EML6: variants seen among roughly 807,000 people sequenced by gnomAD.
EML6 encodes the protein echinoderm microtubule-associated protein-like 6.
EML6 carries 154 observed loss-of-function variants against 240.1 expected under a neutral mutation model. The ratio of observed to expected loss-of-function variants is 0.64; its 90% CI spans 0.56 to 0.73. EML6 has a LOEUF of 0.73. Ranked by LOEUF, EML6 falls within the 30% of genes least tolerant of loss-of-function variation. EML6 has a pLI of 0.00. For missense variants in EML6, 2,964 were observed against 2,474.6 expected (o/e 1.20, Z -4.20); for synonymous variants, 1,148 against 899.0 (o/e 1.28, Z -4.95).
Position 54,970,055 on chromosome 2 carries a change from TG to T in EML6, c.5853-15del. ...TGTCCAGCTATGCAAAATGACTGTT[TG>T]ATCTGCCTTTTCAGTGTATTTGTGT... On this transcript the variant is annotated splice_polypyrimidine_tract_variant and intron_variant, in intron 41 of 41. Coordinates refer to ENST00000356458, the MANE Select transcript of EML6 (RefSeq NM_001039753.4). 3 of 1,551,720 alleles carry T rather than the reference TG, an allele frequency of 1.9e-6. No homozygotes were observed. The highest frequency in any genetic ancestry group is 2.6e-6 in the Non-Finnish European group (3 of 1,146,956).
At chr2:54,879,226 A>C (rs886753524) in intron 16 of EML6, among the ~76,000 whole-genome samples, 2 of 152,216 alleles carry the variant, frequency 1.3e-5, no homozygotes, top group African/African-American at 4.8e-5. Flanking sequence ...TGTGTCTCAG[A>C]ATGTCAGGTC....
At chr2:54,926,780 C>T (rs765469585) in intron 26 of EML6, among the ~76,000 whole-genome samples, 2 of 152,176 alleles carry the variant, frequency 1.3e-5, no homozygotes, top group African/African-American at 2.4e-5. Flanking sequence ...TTTTTCCTCT[C>T]TCTTTCTTCC....
rs546856902 is a variant in EML6, at chr2:54,930,862, A to C, written c.4004+2111A>C. Among the ~76,000 whole-genome samples, 5 of 152,182 alleles carry C rather than the reference A, an allele frequency of 3.3e-5. No homozygotes were observed. The South Asian group carries it at 1.0e-3, about 32-fold the overall frequency. ...AACTTAGCAGTCTCCATGGGGGCAA[A>C]TCACAATCAGAGCCAAGAACAAGCA... On this transcript the variant is annotated intron_variant, in intron 28 of 41. Coordinates refer to ENST00000356458, the MANE Select transcript of EML6 (RefSeq NM_001039753.4).
intron 7 of EML6, among the ~76,000 whole-genome samples, chr2:54,840,846 ATTAT>A (rs976203313): frequency 6.6e-6 from 1 of 152,232 alleles, no homozygotes; most frequent in Non-Finnish European, 1.5e-5. Context: ...GTAAAAGTAG[ATTAT>A]TTGTTTTTTG....
chr2:54,807,728 T>C (rs1451741675), intron 2 of EML6, among the ~76,000 whole-genome samples: 3 of 152,212 alleles, frequency 2.0e-5, no homozygotes, highest in African/African-American at 7.2e-5. Flanking sequence ...TCAGTATGTA[T>C]TACCTTTGCT....
At chr2:54,920,287 CA>C (rs1306695750) in intron 26 of EML6, among the ~76,000 whole-genome samples, 1 of 150,680 alleles carries the variant, frequency 6.6e-6, no homozygotes, top group Non-Finnish European at 1.5e-5. Context: ...CTAGACTAGC[CA>C]AAAAAAGGAC....
At chr2:54,886,838 A>G (rs991065868) in intron 17 of EML6, among the ~76,000 whole-genome samples, 2 of 152,204 alleles carry the variant, frequency 1.3e-5, no homozygotes, top group African/African-American at 4.8e-5. Flanking sequence ...AATTTCACCC[A>G]TGTTCAAGTT....
Position 54,789,563 on chromosome 2 carries a change from T to A in EML6, c.198-23669T>A, listed in dbSNP as rs1210128631. 2.1e-5 allele frequency among the ~76,000 whole-genome samples: 3 copies of A among 142,246 alleles called. No homozygotes were observed. In the East Asian group the frequency reaches 6.1e-4, roughly 29 times the overall value. 93.3% of individuals were successfully genotyped at this position (142,246 alleles called of 152,430 possible). ...AAAAAAAAAAAGAAAAAGAATGTGC[T>A]TTCCAAAGTAGACATGGGTGGGACG... On this transcript the variant is annotated intron_variant, in intron 2 of 41. Transcript: ENST00000356458.
At chr2:54,776,625 TAGA>T (rs953383841) in intron 2 of EML6, among the ~76,000 whole-genome samples, 1 of 152,154 alleles carries the variant, frequency 6.6e-6, no homozygotes, top group African/African-American at 2.4e-5. Flanking sequence ...AGGGGATCAT[TAGA>T]AGCCCCAACT....
intron 9 of EML6, among the ~76,000 whole-genome samples, chr2:54,848,257 T>C (rs2165006): frequency 0.45 from 68,975 of 152,040 alleles, 15,893 homozygotes; most frequent in Middle Eastern, 0.53. Flanking sequence ...CTGAATGCAT[T>C]TGTCGTTCTC....
intron 26 of EML6, among the ~76,000 whole-genome samples, chr2:54,924,979 G>A (rs1042098375): frequency 6.6e-6 from 1 of 152,080 alleles, no homozygotes; most frequent in Non-Finnish European, 1.5e-5. Context: ...CTATCACTCT[G>A]TTGAACAAAG....
At chr2:54,740,481 T>A (rs570146691) in intron 2 of EML6, among the ~76,000 whole-genome samples, 1 of 152,342 alleles carries the variant, frequency 6.6e-6, no homozygotes, top group Non-Finnish European at 1.5e-5. Flanking sequence ...GAATTGCTTT[T>A]ACTACATAAA....
At chr2:54,878,621 T>A (rs1249789525) in intron 16 of EML6, among the ~76,000 whole-genome samples, 1 of 152,238 alleles carries the variant, frequency 6.6e-6, no homozygotes, top group African/African-American at 2.4e-5. Flanking sequence ...CAAATTATAG[T>A]AATCATGGAT....
In EML6 at chr2:54,911,867, C is replaced by G. The variant is rs544456697; in HGVS notation, c.3498+825C>G. ...ATTTTTTAGTTGCTGAAATCAAAGC[C>G]TAGATAAAATTTTTGAATCCCTAAA... is the stretch of plus-strand genomic sequence containing the variant. On this transcript the variant is annotated intron_variant, in intron 25 of 41. Coordinates refer to ENST00000356458, the MANE Select transcript of EML6 (RefSeq NM_001039753.4). Among the ~76,000 whole-genome samples the G allele has an allele frequency of 8.1e-4, 123 of 152,316 alleles. 2 individuals carry two copies. The highest frequency in any genetic ancestry group is 2.9e-3 in the African/African-American group (121 of 41,574).
At chr2:54,966,814 T>A in intron 38 of EML6, 186 bp from the exon 39 acceptor site, 1 of 432,612 alleles carries the variant, frequency 2.3e-6, no homozygotes, top group Non-Finnish European at 4.2e-6. Flanking sequence ...AGAAGAAAGA[T>A]GGGAAAATGG....
At chr2:54,931,388 T>A (rs1316962386) in intron 28 of EML6, among the ~76,000 whole-genome samples, 6 of 152,094 alleles carry the variant, frequency 3.9e-5, no homozygotes, top group Non-Finnish European at 5.9e-5. Context: ...CATATCTTAG[T>A]CCTCATCTAG....
intron 35 of EML6, 60 bp downstream of exon 35, chr2:54,960,394 C>G: frequency 8.0e-7 from 1 of 1,257,290 alleles, no homozygotes; most frequent in Middle Eastern, 2.1e-4. Flanking sequence ...TAGGTACCCT[C>G]CCAGCCGGCA....
intron 8 of EML6, among the ~76,000 whole-genome samples, chr2:54,847,071 C>G (rs1057303065): frequency 6.6e-6 from 1 of 151,542 alleles, no homozygotes; most frequent in African/African-American, 2.4e-5. Flanking sequence ...CCACATCCAG[C>G]TAATTTTTGT....
chr2:54,857,657 T>C (rs1670459102), intron 11 of EML6, among the ~76,000 whole-genome samples: 1 of 152,188 alleles, frequency 6.6e-6, no homozygotes, highest in Non-Finnish European at 1.5e-5. Flanking sequence ...CTAAATGAGT[T>C]GGTCAAAGAG....
Sources: gnomAD v4.1 joint callset for allele counts (sites outside exome capture counted in the v4.1 genomes callset) on GRCh38, gnomAD v4.1.1 for gene constraint, MANE v1.5 for transcripts, NCBI Gene and HGNC (gene_info 2026-07-23, HGNC 2026-07-21) for gene names.